The following SLC25A21 variants were observed in gnomAD, a reference collection of about 807,000 sequenced individuals.
The protein encoded by SLC25A21 is mitochondrial 2-oxodicarboxylate carrier.
In SLC25A21, 47 loss-of-function variants were observed where a neutral mutation model predicts 43.8. The observed-to-expected ratio is 1.07, with a 90% CI of 0.85 to 1.37. The LOEUF (loss-of-function observed/expected upper bound fraction) is 1.37, where lower values mean the gene tolerates loss of function less well. Ranked by LOEUF, SLC25A21 falls within the 40% of genes most tolerant of loss-of-function variation. The probability of loss-of-function intolerance (pLI) is 0.00; values close to 1 mark genes in which losing one functional copy is unlikely to be tolerated. For synonymous variants in SLC25A21, 131 were observed against 121.3 expected, an observed-to-expected ratio of 1.08 and a Z score of -0.52; for missense variants, 352 against 350.2, an observed-to-expected ratio of 1.00 and a Z score of -0.04.
chr14:36,708,180 A>G (rs989797708), intron 7 of SLC25A21, among the ~76,000 whole-genome samples: 4 of 152,242 alleles, frequency 2.6e-5, no homozygotes, highest in African/African-American at 7.2e-5. Flanking sequence ...GGGAGTGAGG[A>G]AATGAGGTAA....
intron 1 of SLC25A21, among the ~76,000 whole-genome samples, chr14:36,888,694 A>T (rs894394891): frequency 6.6e-5 from 10 of 152,306 alleles, no homozygotes; most frequent in African/African-American, 2.4e-4. Context: ...ACCTTTAGCC[A>T]TTCATTAGAT....
chr14:36,717,815 G>A (rs548140245), intron 6 of SLC25A21, among the ~76,000 whole-genome samples: 1 of 152,202 alleles, frequency 6.6e-6, no homozygotes, highest in African/African-American at 2.4e-5. Context: ...ACTTTTTTGG[G>A]CTTTATTTTC....
chr14:36,996,005 C>T (rs1274553470), intron 1 of SLC25A21, among the ~76,000 whole-genome samples: 1 of 152,098 alleles, frequency 6.6e-6, no homozygotes, highest in Non-Finnish European at 1.5e-5. Context: ...AGAAGTAACT[C>T]GACCAAAGCC....
intron 1 of SLC25A21, among the ~76,000 whole-genome samples, chr14:37,103,732 A>G (rs1015021699): frequency 3.3e-5 from 5 of 152,186 alleles, no homozygotes; most frequent in African/African-American, 1.2e-4. Flanking sequence ...CTGACTATCC[A>G]AAAGTCCCAA....
chr14:36,788,315 A>G (rs1387182444), intron 3 of SLC25A21, among the ~76,000 whole-genome samples: 1 of 151,884 alleles, frequency 6.6e-6, no homozygotes, highest in Non-Finnish European at 1.5e-5. Context: ...GAGCACCTGA[A>G]AAAACTTGCA....
chr14:36,690,761 A>G (rs1486682891), intron 7 of SLC25A21, among the ~76,000 whole-genome samples: 3 of 152,150 alleles, frequency 2.0e-5, no homozygotes, highest in Non-Finnish European at 4.4e-5. Context: ...GGATTTCACT[A>G]TCTGAGTCCT....
intron 1 of SLC25A21, among the ~76,000 whole-genome samples, chr14:37,085,912 T>C (rs1425532821): frequency 6.6e-6 from 1 of 152,150 alleles, no homozygotes; most frequent in Non-Finnish European, 1.5e-5. Context: ...GAGACCATCC[T>C]GGCTAACACG....
At chr14:36,949,558 C>T (rs1239691038) in intron 1 of SLC25A21, among the ~76,000 whole-genome samples, 1 of 152,174 alleles carries the variant, frequency 6.6e-6, no homozygotes, top group Non-Finnish European at 1.5e-5. Context: ...TCTGCACTTC[C>T]TCCCCGCTGC....
intron 1 of SLC25A21, among the ~76,000 whole-genome samples, chr14:36,941,347 TAG>T (rs535327750): frequency 7.4e-4 from 112 of 152,268 alleles, no homozygotes; most frequent in Non-Finnish European, 1.1e-3. Context: ...CAAAATTGTA[TAG>T]AGAGTATTTT....
chr14:37,089,255 C>G (rs1962539419), intron 1 of SLC25A21, among the ~76,000 whole-genome samples: 1 of 152,036 alleles, frequency 6.6e-6, no homozygotes, highest in Non-Finnish European at 1.5e-5. Flanking sequence ...TTTTAACTCT[C>G]AAAATATGTG....
At chr14:37,126,748 C>A (rs900143179) in intron 1 of SLC25A21, among the ~76,000 whole-genome samples, 2 of 152,170 alleles carry the variant, frequency 1.3e-5, no homozygotes, top group Admixed American at 6.5e-5. Flanking sequence ...AGGTACAGGG[C>A]ACAGGAAAAC....
intron 9 of SLC25A21, among the ~76,000 whole-genome samples, chr14:36,683,242 C>T (rs1033415824): frequency 4.6e-5 from 7 of 152,172 alleles, no homozygotes; most frequent in Non-Finnish European, 7.4e-5. Context: ...GAATGGCAGC[C>T]GGTTTTTTTG....
intron 6 of SLC25A21, among the ~76,000 whole-genome samples, chr14:36,718,512 TC>T (rs1884242199): frequency 2.4e-5 from 2 of 84,690 alleles, no homozygotes; most frequent in Non-Finnish European, 5.4e-5. Context: ...ACTCAACTTC[TC>T]TCTCTCTCTC....
At chr14:36,993,681 C>A (rs1475833614) in intron 1 of SLC25A21, among the ~76,000 whole-genome samples, 1 of 152,152 alleles carries the variant, frequency 6.6e-6, no homozygotes, top group Non-Finnish European at 1.5e-5. Context: ...CCAGACAATA[C>A]ATCTTATCAT....
intron 1 of SLC25A21, among the ~76,000 whole-genome samples, chr14:37,091,021 T>G (rs2138850545): frequency 6.6e-6 from 1 of 152,346 alleles, no homozygotes; most frequent in South Asian, 2.1e-4. Flanking sequence ...GACACCTTAC[T>G]TAATATATAC....
intron 7 of SLC25A21, among the ~76,000 whole-genome samples, chr14:36,686,493 ACCCAGAG>A (rs887122247): frequency 4.6e-5 from 7 of 152,284 alleles, no homozygotes; most frequent in African/African-American, 1.7e-4. Context: ...TCACTGAATC[ACCCAGAG>A]CCCAGTGTAT....
intron 1 of SLC25A21, among the ~76,000 whole-genome samples, chr14:37,155,748 G>A (rs894254973): frequency 1.2e-4 from 19 of 152,118 alleles, no homozygotes; most frequent in Admixed American, 3.9e-4. Flanking sequence ...AGAAATAAAG[G>A]CATTCCCAGA....
chr14:37,139,737 C>A (rs1963540086), intron 1 of SLC25A21, among the ~76,000 whole-genome samples: 1 of 152,158 alleles, frequency 6.6e-6, no homozygotes, highest in African/African-American at 2.4e-5. Context: ...ACAGTGAAGG[C>A]AGTACATTCC....
chr14:37,110,472 C>T (rs1334852728), intron 1 of SLC25A21, among the ~76,000 whole-genome samples: 1 of 152,106 alleles, frequency 6.6e-6, no homozygotes, highest in Non-Finnish European at 1.5e-5. Context: ...TCTTTGTATT[C>T]TTTGATTTCT....
Sources: allele counts gnomAD v4.1 joint callset (sites outside exome capture counted in the v4.1 genomes callset), GRCh38; gene constraint gnomAD v4.1.1; transcripts MANE v1.5; gene names NCBI Gene and HGNC (gene_info 2026-07-23, HGNC 2026-07-21).